The following ABCA1 variants were observed in gnomAD, a reference collection of about 807,000 sequenced individuals.
ABCA1 encodes phospholipid-transporting ATPase ABCA1.
ABCA1 carries 133 observed loss-of-function variants against 262.5 expected under a neutral mutation model. That is an observed-to-expected ratio of 0.51 (90% CI 0.44 to 0.59). The LOEUF is 0.59. Ranked by LOEUF, ABCA1 falls within the 20% of genes least tolerant of loss-of-function variation. The pLI is 0.00. For synonymous variants in ABCA1, 1,022 were observed against 1,043.5 expected, an observed-to-expected ratio of 0.98 and a Z score of 0.40; for missense variants, 2,452 against 2,777.5, an observed-to-expected ratio of 0.88 and a Z score of 2.63.
chr9:104,799,718 C>T, intron 36 of ABCA1, 101 bp downstream of exon 36: 1 of 1,609,202 alleles, frequency 6.2e-7, no homozygotes, highest in Non-Finnish European at 8.5e-7. Context: ...ATATAACGGT[C>T]TCTGCAGCTG....
intron 1 of ABCA1, among the ~76,000 whole-genome samples, chr9:104,921,356 G>T (rs1489758360): frequency 6.6e-6 from 1 of 152,172 alleles, no homozygotes; most frequent in Non-Finnish European, 1.5e-5. Flanking sequence ...CAATGCATAT[G>T]AAGTTACTGT....
intron 11 of ABCA1, among the ~76,000 whole-genome samples, chr9:104,834,348 A>T (rs534297364): frequency 6.7e-6 from 1 of 149,706 alleles, no homozygotes; most frequent in South Asian, 2.2e-4. Flanking sequence ...TTAAATTTTC[A>T]TTCCAAATTG....
intron 49 of ABCA1, 46 bp from the exon 50 acceptor site, chr9:104,784,501 C>T (rs776701403): frequency 1.6e-5 from 26 of 1,611,746 alleles, no homozygotes; most frequent in East Asian, 8.9e-5. Context: ...ACTCAACTTG[C>T]TCATTCTTTA....
intron 27 of ABCA1, among the ~76,000 whole-genome samples, chr9:104,813,867 TA>T (rs1382306311): frequency 6.6e-6 from 1 of 152,184 alleles, no homozygotes; most frequent in Non-Finnish European, 1.5e-5. Flanking sequence ...AGATAATAAA[TA>T]CATGGGTTCA....
In ABCA1 at chr9:104,890,992, A is replaced by G. The variant is rs575980649; in HGVS notation, c.67-1797T>C. ...CTCTACAATATTGAGACTATGCAGC[A>G]TATATACTTTTGTATTCTGTTTTTT... On this transcript the variant is annotated intron_variant, in intron 2 of 49. Coordinates refer to ENST00000374736, the MANE Select transcript of ABCA1 (RefSeq NM_005502.4). 2.5e-4 allele frequency among the ~76,000 whole-genome samples: 38 copies of G among 152,298 alleles called. 1 individual carries two copies. In the South Asian group the frequency reaches 7.0e-3, roughly 28 times the overall value.
At position 104,871,273 on chromosome 9, in the gene ABCA1, C is replaced by CAGA. The variant is rs562173331; in HGVS notation, c.422-9476_422-9474dup. 1.6e-4 allele frequency among the ~76,000 whole-genome samples: 24 copies of CAGA among 152,334 alleles called. No individual in the cohort carries two copies. The South Asian group carries it at 4.6e-3, about 29-fold the overall frequency. ...CCTTGATTTTGGATTTCCCAGCCTC[C>CAGA]AGAACTGTGAGAAGTAAATTTCTAT... On this transcript the variant is annotated intron_variant, in intron 5 of 49. Coordinates refer to ENST00000374736, the MANE Select transcript of ABCA1 (RefSeq NM_005502.4).
At chr9:104,835,161 T>C (rs1833698135) in intron 11 of ABCA1, among the ~76,000 whole-genome samples, 2 of 151,472 alleles carry the variant, frequency 1.3e-5, no homozygotes, top group Non-Finnish European at 2.9e-5. Context: ...GACAGGAGAA[T>C]TGCTTGAACC....
intron 17 of ABCA1, 71 bp downstream of exon 17, chr9:104,825,612 G>A (rs1475275563): frequency 6.6e-7 from 1 of 1,519,222 alleles, no homozygotes; most frequent in Non-Finnish European, 9.1e-7. Context: ...ATGCACTGCA[G>A]AGATTCTAGC....
In ABCA1 at chr9:104,861,738, G is replaced by A. The variant is rs576319110; in HGVS notation, c.484C>T (p.Leu162Phe). 7 of 1,613,884 alleles carry A rather than the reference G, an allele frequency of 4.3e-6. No individual in the cohort carries two copies. Among genetic ancestry groups the A allele is most frequent in the East Asian group, 4.5e-5 (2 of 44,872 alleles). ...ETFSGFLYHN[L>F]SLPKSTVDKM... is the part of the protein sequence containing the mutation. ...TCCACAGTAGACTTTGGGAGAGAGA[G>A]GTTGTGATACAGGAACCCAGAGAAG... The change falls in exon 6 of 50, where the codon CTC becomes TTC. Residue 162 changes from leucine to phenylalanine, a missense_variant. This residue lies in a region of ABCA1 where 1,032 missense variants were observed against 1,089.7 expected (regional missense o/e 0.95). Coordinates refer to ENST00000374736, the MANE Select transcript of ABCA1 (RefSeq NM_005502.4).
At chr9:104,881,093 G>A (rs1287472547) in intron 5 of ABCA1, among the ~76,000 whole-genome samples, 1 of 152,170 alleles carries the variant, frequency 6.6e-6, no homozygotes, top group Non-Finnish European at 1.5e-5. Context: ...AGGCTGCAGT[G>A]AGCCAAGACT....
chr9:104,816,269 C>A lies in ABCA1; in HGVS notation c.3612G>T (p.Leu1204=). ...ARLVEDIGHE[L]TYVLPYEAAK... is the part of the protein sequence containing the mutation. ...CAGCTTCATATGGCAGCACATAGGT[C>A]AGCTCATGCCCTATGTCTTCCACCA... Residue 1204 remains leucine, a synonymous_variant, in exon 25 of 50, where the codon CTG becomes CTT. Coordinates refer to ENST00000374736, the MANE Select transcript of ABCA1 (RefSeq NM_005502.4). 2 of 1,614,132 alleles carry A rather than the reference C, an allele frequency of 1.2e-6. No homozygotes were observed. Among genetic ancestry groups the A allele is most frequent in the South Asian group, 2.2e-5 (2 of 91,064 alleles).
rs1269543983 is a variant in ABCA1, at chr9:104,819,701, A to C, written c.3126T>G (p.Ser1042=). The C allele has an allele frequency of 6.2e-7, 1 of 1,614,228 alleles. No homozygotes were observed. The highest frequency in any genetic ancestry group is 1.1e-5 in the South Asian group (1 of 91,086). ...QLSGGMQRKL[S]VALAFVGGSK... ...ATCCCCCGACAAAGGCCAAGGCCAC[A>C]GATAGCTTTCTCTGCATTCCACCTA... Residue 1042 remains serine (S), a synonymous_variant, in exon 22 of 50, where the codon TCT becomes TCG. Coordinates refer to ENST00000374736, the MANE Select transcript of ABCA1 (RefSeq NM_005502.4).
intron 41 of ABCA1, 105 bp downstream of exon 41, chr9:104,793,066 T>C: frequency 6.3e-7 from 1 of 1,586,378 alleles, no homozygotes; most frequent in African/African-American, 1.3e-5. Flanking sequence ...TTTTATCACA[T>C]ATTTTGAGTT....
chr9:104,799,790 TC>T lies in ABCA1; in HGVS notation c.4943+28del, dbSNP rs1195655264. The T allele has an allele frequency of 1.1e-5, 17 of 1,613,958 alleles. No individual in the cohort carries two copies. In the Admixed American group the frequency reaches 2.8e-4, roughly 27 times the overall value. On this transcript the variant is annotated intron_variant, in intron 36 of 49. Coordinates refer to ENST00000374736, the MANE Select transcript of ABCA1 (RefSeq NM_005502.4). ...TCCATAACCCTCTCCCTTGCCCCAC[TC>T]CATCTATACAGACACAGCCACACTT...
chr9:104,891,481 A>G (rs1394827126), intron 2 of ABCA1, among the ~76,000 whole-genome samples: 4 of 152,198 alleles, frequency 2.6e-5, no homozygotes, highest in Admixed American at 2.0e-4. Context: ...CTGTAATCCC[A>G]GCTACTTGGG....
In ABCA1 at chr9:104,837,109, G is replaced by A. The variant is rs2297399; in HGVS notation, c.1195-13C>T. The stretch of plus-strand genomic sequence containing the variant: ...AGGTCTTGTTCACCTGGAGTCAGGT[G>A]GGGAGCCAGGGACCGCAGAAAAAGG... On this transcript the variant is annotated splice_polypyrimidine_tract_variant and intron_variant, in intron 10 of 49. Transcript: ENST00000374736. The A allele has an allele frequency of 0.074, 118,156 of 1,599,770 alleles. 6,962 individuals carry two copies. The highest frequency in any genetic ancestry group is 0.39 in the East Asian group (17,417 of 44,786).
At chr9:104,874,911 T>C (rs976340292) in intron 5 of ABCA1, among the ~76,000 whole-genome samples, 9 of 146,132 alleles carry the variant, frequency 6.2e-5, no homozygotes, top group Non-Finnish European at 1.2e-4. Flanking sequence ...GTCCGGGAGG[T>C]GGGGGGCGCC....
intron 41 of ABCA1, 74 bp from the exon 42 acceptor site, chr9:104,792,980 A>G: frequency 6.2e-7 from 1 of 1,608,622 alleles, no homozygotes; most frequent in Non-Finnish European, 8.5e-7. Flanking sequence ...CTAACGTAGT[A>G]TTATAAAACC....
chr9:104,850,084 C>T (rs1006792174), intron 7 of ABCA1, among the ~76,000 whole-genome samples: 5 of 152,006 alleles, frequency 3.3e-5, no homozygotes, highest in South Asian at 2.1e-4. Context: ...GGAGTCAGCA[C>T]GGCAAAATGA....
Sources: allele counts gnomAD v4.1 joint callset (sites outside exome capture counted in the v4.1 genomes callset), GRCh38; gene constraint gnomAD v4.1.1; regional missense constraint gnomAD v4.1.1; transcripts MANE v1.5; gene names NCBI Gene and HGNC (gene_info 2026-07-23, HGNC 2026-07-21).